POSTN: variants seen among roughly 807,000 people sequenced by gnomAD.
The protein encoded by POSTN is osteoblast specific factor 2 (fasciclin I-like).
In POSTN, 71 loss-of-function variants were observed where a neutral mutation model predicts 104.5. The observed-to-expected ratio is 0.68, with a 90% confidence interval of 0.56 to 0.83. The LOEUF is 0.83. POSTN is among the 40% of genes least tolerant of loss of function. POSTN has a pLI of 0.00. For synonymous variants in POSTN, 355 were observed against 340.7 expected, an observed-to-expected ratio of 1.04 and a Z score of -0.46; for missense variants, 949 against 1,006.8, an observed-to-expected ratio of 0.94 and a Z score of 0.78.
chr13:37,580,390 G>C (rs953302634), intron 11 of POSTN, among the ~76,000 whole-genome samples, 171 bp downstream of exon 11: 1 of 152,158 alleles, frequency 6.6e-6, no homozygotes, highest in African/African-American at 2.4e-5. Context: ...CGGTGTACCA[G>C]AAAGTAGCAG....
chr13:37,579,326 TAAAG>T lies in POSTN; in HGVS notation c.1690_1693del (p.Leu564IlefsTer3). 1 of 1,593,028 alleles carries T rather than the reference TAAAG, an allele frequency of 6.3e-7. No individual in the cohort carries two copies. The highest frequency in any genetic ancestry group is 1.1e-5 in the South Asian group (1 of 90,590). On this transcript the variant is annotated frameshift_variant, in exon 13 of 23. Coordinates refer to ENST00000379747, the MANE Select transcript of POSTN (RefSeq NM_006475.3). LOFTEE classifies it high-confidence loss of function. ...AATGAAAACTCCTGGTGTCAGGTGA[TAAAG>T]AATGATGTTTTGAAGAGCATTTTTG...
chr13:37,593,321 A>G (rs1950997693), intron 2 of POSTN, among the ~76,000 whole-genome samples: 1 of 149,796 alleles, frequency 6.7e-6, no homozygotes, highest in Admixed American at 6.7e-5. Context: ...ATATTATAAT[A>G]TAATCCTAAT....
intron 15 of POSTN, among the ~76,000 whole-genome samples, chr13:37,578,279 A>C (rs563616685): frequency 1.3e-5 from 2 of 152,300 alleles, no homozygotes; most frequent in African/African-American, 4.8e-5. Flanking sequence ...ATTTAAATAC[A>C]TATTTTTCAT....
chr13:37,587,044 T>C, intron 5 of POSTN, 116 bp from the exon 6 acceptor site: 1 of 850,542 alleles, frequency 1.2e-6, no homozygotes, highest in Non-Finnish European at 1.8e-6. Flanking sequence ...TACAGGAAAC[T>C]ACATTGTAAA....
intron 2 of POSTN, among the ~76,000 whole-genome samples, chr13:37,594,402 T>C (rs1301929068): frequency 6.6e-6 from 1 of 152,072 alleles, no homozygotes; most frequent in East Asian, 1.9e-4. Context: ...ATCAGATAAT[T>C]GAACAATGTG....
At chr13:37,588,801 CTT>C (rs1226080481) in intron 4 of POSTN, among the ~76,000 whole-genome samples, 1 of 152,138 alleles carries the variant, frequency 6.6e-6, no homozygotes, top group East Asian at 1.9e-4. Flanking sequence ...ACGTGGATAA[CTT>C]TAATGCCCTA....
At chr13:37,583,443 G>T (rs1375142967) in intron 9 of POSTN, among the ~76,000 whole-genome samples, 21 of 127,244 alleles carry the variant, frequency 1.7e-4, no homozygotes, top group Admixed American at 2.5e-4. Flanking sequence ...TTTAAGTTTC[G>T]TTTTTTTTTT....
intron 4 of POSTN, among the ~76,000 whole-genome samples, chr13:37,588,789 T>C (rs955587908): frequency 3.3e-5 from 5 of 152,096 alleles, no homozygotes; most frequent in African/African-American, 9.7e-5. Context: ...TGTGGGACAA[T>C]AACGTGGATA....
At chr13:37,580,290 A>C (rs1046977971) in intron 11 of POSTN, among the ~76,000 whole-genome samples, 1 of 152,198 alleles carries the variant, frequency 6.6e-6, no homozygotes, top group African/African-American at 2.4e-5. Flanking sequence ...AGTCTTTGCT[A>C]TATATACCAT....
At chr13:37,577,419 C>G (rs1434007199) in intron 16 of POSTN, among the ~76,000 whole-genome samples, 1 of 152,216 alleles carries the variant, frequency 6.6e-6, no homozygotes, top group Non-Finnish European at 1.5e-5. Context: ...TCTGTGTCCA[C>G]ACATCTGAAT....
At chr13:37,563,771 A>AC (rs1287384517) in intron 22 of POSTN, among the ~76,000 whole-genome samples, 3 of 151,964 alleles carry the variant, frequency 2.0e-5, no homozygotes, top group African/African-American at 7.2e-5. Flanking sequence ...TATCTAATTA[A>AC]CCCAGAAATT....
intron 10 of POSTN, 105 bp downstream of exon 10, chr13:37,582,261 T>C (rs1210107498): frequency 3.1e-6 from 4 of 1,302,584 alleles, no homozygotes; most frequent in Non-Finnish European, 4.2e-6. Flanking sequence ...TCTATGAATA[T>C]TTACTATTAG....
At chr13:37,585,181 C>T (rs763544946) in intron 7 of POSTN, among the ~76,000 whole-genome samples, 4 of 152,112 alleles carry the variant, frequency 2.6e-5, no homozygotes, top group South Asian at 2.1e-4. Flanking sequence ...TATTAGAAAA[C>T]GTGGTAGGTT....
At chr13:37,581,160 T>A (rs1950577820) in intron 10 of POSTN, among the ~76,000 whole-genome samples, 1 of 152,184 alleles carries the variant, frequency 6.6e-6, no homozygotes, top group Non-Finnish European at 1.5e-5. Flanking sequence ...CATAGCTTTT[T>A]GAACGAACGT....
At position 37,567,542 on chromosome 13, in the gene POSTN, G is replaced by A. The variant is rs1186394813; in HGVS notation, c.2431+1758C>T. ...TAATGCTGGTACTAGTAATTCTACC[G>A]CATATAGTGTTTTTCCTACAAAAAG... On this transcript the variant is annotated intron_variant, in intron 21 of 22. Coordinates refer to ENST00000379747, the MANE Select transcript of POSTN (RefSeq NM_006475.3). Among the ~76,000 whole-genome samples, 11 of 152,060 alleles carry A rather than the reference G, an allele frequency of 7.2e-5. 1 individual carries two copies. Among genetic ancestry groups the A allele is most frequent in the Non-Finnish European group, 1.6e-4 (11 of 67,990 alleles).
At position 37,582,399 on chromosome 13, in the gene POSTN, T is replaced by G; in HGVS notation, c.1359A>C (p.Gly453=). Residue 453 remains glycine, a synonymous_variant, in exon 10 of 23, where the codon GGA becomes GGC. Coordinates refer to ENST00000379747, the MANE Select transcript of POSTN (RefSeq NM_006475.3). The stretch of plus-strand genomic sequence containing the variant: ...ATACGAAGACTCTGAGCTGTTTGCC[T>G]CCGATGGTTTCCAGTATTTGCCCGT... ...LYNGQILETI[G]GKQLRVFVYR... 1 of 1,613,852 alleles carries G rather than the reference T, an allele frequency of 6.2e-7. No individual in the cohort carries two copies. The highest frequency in any genetic ancestry group is 8.5e-7 in the Non-Finnish European group (1 of 1,179,902).
chr13:37,589,645 A>G lies in POSTN; in HGVS notation c.441+727T>C, dbSNP rs141389443. On this transcript the variant is annotated intron_variant, in intron 4 of 22. Coordinates refer to ENST00000379747, the MANE Select transcript of POSTN (RefSeq NM_006475.3). Reference sequence around the variant, plus strand: ...GTTAGAGATGCGGTGAAAGACAACCAGAGGAGCGATTTCTATAATCAAGCA... The same window carrying G: ...GTTAGAGATGCGGTGAAAGACAACCGGAGGAGCGATTTCTATAATCAAGCA... Among the ~76,000 whole-genome samples, 261 of 152,324 alleles carry G rather than the reference A, an allele frequency of 1.7e-3. 2 individuals are homozygous for G. The highest frequency in any genetic ancestry group is 6.1e-3 in the African/African-American group (253 of 41,570).
At chr13:37,564,689 A>T in intron 21 of POSTN, 129 bp from the exon 22 acceptor site, 1 of 489,140 alleles carries the variant, frequency 2.0e-6, no homozygotes, top group Non-Finnish European at 3.7e-6. Context: ...TATTTTTAGT[A>T]GTTAAATTTT....
Position 37,581,401 on chromosome 13 carries a change from A to G in POSTN, c.1393-704T>C, listed in dbSNP as rs78639043. On this transcript the variant is annotated intron_variant, in intron 10 of 22. Transcript: ENST00000379747. ...TTGAACTGTAATTTTGATAAGCAATATTTCTATAAATTTTCCTGCAGCAAA... is the reference window on the plus strand; with the variant it reads ...TTGAACTGTAATTTTGATAAGCAATGTTTCTATAAATTTTCCTGCAGCAAA... 7.9e-4 allele frequency among the ~76,000 whole-genome samples: 120 copies of G among 152,220 alleles called. No individual in the cohort carries two copies. The East Asian group carries it at 0.019, about 25-fold the overall frequency.
Sources: gnomAD v4.1 joint callset for allele counts (sites outside exome capture counted in the v4.1 genomes callset) on GRCh38, gnomAD v4.1.1 for gene constraint, MANE v1.5 for transcripts, NCBI Gene and HGNC (gene_info 2026-07-23, HGNC 2026-07-21) for gene names.